Variants in ZNF665 observed in about 807,000 individuals in gnomAD.
ZNF665 encodes zinc finger protein 665.
Under a neutral mutation model 7.9 loss-of-function variants are expected in ZNF665, and 6 were observed. That is an observed-to-expected ratio of 0.76 (90% CI 0.42 to 1.50). The LOEUF (loss-of-function observed/expected upper bound fraction) is 1.50. Ranked by LOEUF, ZNF665 falls within the 40% of genes most tolerant of loss-of-function variation. The probability of loss-of-function intolerance (pLI) is 0.01; values close to 1 mark genes in which losing one functional copy is unlikely to be tolerated. For missense variants in ZNF665, 819 were observed against 806.7 expected (o/e 1.02, Z -0.18); for synonymous variants, 242 against 274.5 (o/e 0.88, Z 1.17).
intron 1 of ZNF665, among the ~76,000 whole-genome samples, chr19:53,183,573 G>A (rs912913351): frequency 6.6e-6 from 1 of 151,558 alleles, no homozygotes; most frequent in Non-Finnish European, 1.5e-5. Context: ...GATCCAGACA[G>A]TGGAAGGTGA....
At chr19:53,167,992 C>G (rs572640495) in intron 3 of ZNF665, among the ~76,000 whole-genome samples, 12 of 133,806 alleles carry the variant, frequency 9.0e-5, no homozygotes, top group Non-Finnish European at 1.7e-4. Flanking sequence ...GGAGGTGGAG[C>G]TTGCAGTGAG....
intron 3 of ZNF665, among the ~76,000 whole-genome samples, chr19:53,169,507 AT>A (rs1555803977): frequency 6.6e-6 from 1 of 151,972 alleles, no homozygotes; most frequent in East Asian, 1.9e-4. Flanking sequence ...TTTAAAAAAA[AT>A]TTTTTTAATG....
chr19:53,179,041 A>G (rs1044288778), intron 2 of ZNF665, among the ~76,000 whole-genome samples: 24 of 152,170 alleles, frequency 1.6e-4, no homozygotes, highest in African/African-American at 5.8e-4. Flanking sequence ...CTCACTGGAA[A>G]TTTGGGTAGA....
rs2090599317 is a variant in ZNF665, at chr19:53,165,211, C to T, written c.1279G>A (p.Glu427Lys). 1 of 1,614,100 alleles carries T rather than the reference C, an allele frequency of 6.2e-7. No homozygotes were observed. The highest frequency in any genetic ancestry group is 1.3e-5 in the African/African-American group (1 of 75,022). The change falls in exon 4 of 4, where the codon GAG becomes AAG. Residue 427 changes from glutamate to lysine, a missense_variant. By Grantham distance (56) the Glu-to-Lys change is moderately conservative. Transcript: ENST00000396424. Reference protein sequence around the residue: ...LANHRRIHTGEKPYRCDECGK... With the variant: ...LANHRRIHTGKKPYRCDECGK... ...CACTCATCACACCTGTAAGGTTTCT[C>T]TCCAGTATGAATTCTTCGATGATTT...
intron 3 of ZNF665, among the ~76,000 whole-genome samples, chr19:53,173,339 A>G (rs2090672161): frequency 6.8e-6 from 1 of 147,860 alleles, no homozygotes; most frequent in South Asian, 2.2e-4. Flanking sequence ...TCAAAAGGCA[A>G]CTGGCCATAT....
chr19:53,177,443 C>T (rs146658634), intron 2 of ZNF665, among the ~76,000 whole-genome samples: 4 of 151,332 alleles, frequency 2.6e-5, no homozygotes, highest in African/African-American at 7.3e-5. Flanking sequence ...ACTAAAAATA[C>T]AAAAATTAGC....
intron 3 of ZNF665, among the ~76,000 whole-genome samples, chr19:53,166,651 A>G (rs1398168331): frequency 6.6e-6 from 1 of 152,196 alleles, no homozygotes; most frequent in Non-Finnish European, 1.5e-5. Flanking sequence ...AAGGCTACCA[A>G]TTGGCAGTAT....
rs200795430 is a variant in ZNF665 at position 53,164,543 on chromosome 19, A to G, written c.1947T>C (p.Thr649=). 2 of 1,614,090 alleles carry G rather than the reference A, an allele frequency of 1.2e-6. No individual in the cohort carries two copies. Among genetic ancestry groups the G allele is most frequent in the East Asian group, 4.5e-5 (2 of 44,880 alleles). Residue 649 remains threonine, a synonymous_variant, in exon 4 of 4, where the codon ACT becomes ACC. Coordinates refer to ENST00000396424, the MANE Select transcript of ZNF665 (RefSeq NM_024733.5). Reference sequence around the variant, plus strand: ...GGTTACATTTGTAAGGTTTGTCTCCAGTATGGACTGCCATATGGGTAGTTA... The same window carrying G: ...GGTTACATTTGTAAGGTTTGTCTCCGGTATGGACTGCCATATGGGTAGTTA... The part of the protein sequence containing the change: ...STLTTHMAVH[T]GDKPYKCNQC...
intron 1 of ZNF665, among the ~76,000 whole-genome samples, chr19:53,189,725 G>C (rs1568669133): frequency 6.7e-6 from 1 of 149,704 alleles, no homozygotes; most frequent in Non-Finnish European, 1.5e-5. Flanking sequence ...ACTGATGTCA[G>C]GCCCTCCACA....
intron 1 of ZNF665, among the ~76,000 whole-genome samples, chr19:53,185,052 G>A (rs986681780): frequency 2.4e-4 from 37 of 152,178 alleles, no homozygotes; most frequent in Non-Finnish European, 1.6e-4. Context: ...ACATGAAGGC[G>A]GACTAGGAGC....
Position 53,164,133 on chromosome 19 carries a change from C to CTTTTTTTTTTTTTTTTTTT in ZNF665, c.*301_*319dup, listed in dbSNP as rs35735454. The stretch of plus-strand genomic sequence containing the variant: ...CTGGCCGCACTCCTTTGTAAGGTTA[C>CTTTTTTTTTTTTTTTTTTT]TTTTTTTTTTTTTTTTTTTTTGGAG... On this transcript the variant is annotated 3_prime_UTR_variant, in exon 4 of 4. Transcript: ENST00000396424. 4 of 104,638 alleles carry CTTTTTTTTTTTTTTTTTTT rather than the reference C, an allele frequency of 3.8e-5. No homozygotes were observed. Among genetic ancestry groups the CTTTTTTTTTTTTTTTTTTT allele is most frequent in the African/African-American group, 9.9e-5 (3 of 30,352 alleles). 6.5% of individuals were successfully genotyped at this position (104,638 alleles called of 1,614,324 possible).
intron 3 of ZNF665, among the ~76,000 whole-genome samples, chr19:53,170,044 A>T (rs8102024): frequency 0.97 from 136,360 of 139,878 alleles, 66,492 homozygotes; most frequent in African/African-American, 0.99. Flanking sequence ...TTTGGGTATA[A>T]ACCCAGTAAT....
intron 1 of ZNF665, among the ~76,000 whole-genome samples, chr19:53,192,480 T>TACATTTCTCCAGTTGTTTCTCC: frequency 6.6e-6 from 1 of 152,320 alleles, no homozygotes; most frequent in Non-Finnish European, 1.5e-5. Flanking sequence ...AGCTTTTCTC[T>TACATTTCTCCAGTTGTTTCTCC]ACATTTCTCC....
At position 53,164,778 on chromosome 19, in the gene ZNF665, T is replaced by C. The variant is rs1568651643; in HGVS notation, c.1712A>G (p.Lys571Arg). The C allele has an allele frequency of 6.2e-7, 1 of 1,614,062 alleles. No individual in the cohort carries two copies. The highest frequency in any genetic ancestry group is 8.5e-7 in the Non-Finnish European group (1 of 1,180,040). ...AAATGCTTTGCCGCACTCATTACAC[T>C]TATAAGGTTTCTCACCAGTGTGAAT... ...QRIHTGEKPY[K>R]CNECGKAFSV... The change falls in exon 4 of 4, where the codon AAG (lysine) becomes AGG (arginine). Residue 571 changes from lysine (K) to arginine (R), a missense_variant. Lys to Arg is a conservative substitution (Grantham distance 26). Transcript: ENST00000396424.
intron 2 of ZNF665, among the ~76,000 whole-genome samples, chr19:53,175,836 G>A (rs2090694041): frequency 6.6e-6 from 1 of 152,184 alleles, no homozygotes; most frequent in Non-Finnish European, 1.5e-5. Flanking sequence ...GCTTCAGGGT[G>A]TGGGCTGGAC....
At position 53,172,247 on chromosome 19, in the gene ZNF665, A is replaced by T. The variant is rs532880126; in HGVS notation, c.142+3198T>A. On this transcript the variant is annotated intron_variant, in intron 3 of 3. Coordinates refer to ENST00000396424, the MANE Select transcript of ZNF665 (RefSeq NM_024733.5). Reference sequence around the variant, plus strand: ...AACCCATATATAAGATGACCCATGGAATTCAAACCTGTGCTGTTCAAGGGC... The same window carrying T: ...AACCCATATATAAGATGACCCATGGTATTCAAACCTGTGCTGTTCAAGGGC... Among the ~76,000 whole-genome samples the T allele has an allele frequency of 2.2e-4, 34 of 152,310 alleles. 1 individual carries two copies. The East Asian group carries it at 4.8e-3, about 22-fold the overall frequency.
chr19:53,178,049 A>C (rs2090711459), intron 2 of ZNF665, among the ~76,000 whole-genome samples: 1 of 152,250 alleles, frequency 6.6e-6, no homozygotes, highest in Admixed American at 6.5e-5. Context: ...TCTTCCAAAG[A>C]GGGTAAGTAG....
At chr19:53,183,712 C>A (rs2090755989) in intron 1 of ZNF665, among the ~76,000 whole-genome samples, 1 of 152,072 alleles carries the variant, frequency 6.6e-6, no homozygotes, top group Non-Finnish European at 1.5e-5. Flanking sequence ...GATATCAGAA[C>A]AAAGACCTGG....
intron 3 of ZNF665, among the ~76,000 whole-genome samples, chr19:53,170,485 T>C (rs563944097): frequency 6.6e-6 from 1 of 152,338 alleles, no homozygotes; most frequent in South Asian, 2.1e-4. Context: ...CCAACGTTCT[T>C]CTTTCTATGA....
Sources: allele counts gnomAD v4.1 joint callset (sites outside exome capture counted in the v4.1 genomes callset), GRCh38; gene constraint gnomAD v4.1.1; transcripts MANE v1.5; gene names NCBI Gene and HGNC (gene_info 2026-07-23, HGNC 2026-07-21).